Variants in GATA4 observed in about 807,000 individuals in gnomAD.
GATA4 encodes transcription factor GATA-4.
Under a neutral mutation model 37.9 loss-of-function variants are expected in GATA4, and 7 were observed. The observed-to-expected ratio is 0.18, with a 90% CI of 0.11 to 0.35. GATA4 has a LOEUF of 0.35. Ranked by LOEUF, GATA4 falls within the 10% of genes least tolerant of loss-of-function variation. GATA4 has a pLI of 1.00. For synonymous variants in GATA4, 372 were observed against 292.6 expected (o/e 1.27, Z -2.77); for missense variants, 647 against 653.0 (o/e 0.99, Z 0.10).
At chr8:11,750,309 C>G (rs1406339249) in intron 4 of GATA4, 73 bp downstream of exon 4, 2 of 1,585,094 alleles carry the variant, frequency 1.3e-6, no homozygotes, top group East Asian at 2.2e-5. Flanking sequence ...TTGTCTTCTT[C>G]CTTTGTACTA....
chr8:11,694,435 T>G, intron 1 of GATA4: 1 of 980,284 alleles, frequency 1.0e-6, no homozygotes, highest in African/African-American at 1.7e-5. Context: ...GATCCTTTCT[T>G]TTCTTCCCCC....
upstream of GATA4, among the ~76,000 whole-genome samples, chr8:11,702,836 C>T (rs1410895140): frequency 2.0e-5 from 3 of 152,198 alleles, no homozygotes; most frequent in African/African-American, 4.8e-5. This position sits in a 1 kb window ranked among gnomAD's most constrained non-coding sequence, Gnocchi z 4.4. Flanking sequence ...CCTCTGTTTG[C>T]GCCCCAGTGA....
upstream of GATA4, among the ~76,000 whole-genome samples, chr8:11,688,283 T>TA (rs1187856354): frequency 4.6e-5 from 7 of 152,178 alleles, no homozygotes; most frequent in African/African-American, 1.7e-4. Context: ...AAAAGAATAA[T>TA]ACTTGGGAAC....
At chr8:11,705,094 C>T (rs1284974937) in intron 1 of GATA4, among the ~76,000 whole-genome samples, 1 of 152,216 alleles carries the variant, frequency 6.6e-6, no homozygotes, top group African/African-American at 2.4e-5. Flanking sequence ...GGACTGCCAC[C>T]AGGTTGAGGA....
chr8:11,755,223 C>A (rs979262542), intron 5 of GATA4, 90 bp downstream of exon 5: 2 of 1,059,266 alleles, frequency 1.9e-6, no homozygotes, highest in Non-Finnish European at 2.9e-6. Flanking sequence ...GGCAGGCCAG[C>A]CCGGGCCGCC....
At chr8:11,704,127 C>T (rs1799784463), upstream of GATA4, 1 of 152,380 alleles carries the variant, frequency 6.6e-6, no homozygotes, top group Non-Finnish European at 1.5e-5. Flanking sequence ...CCCGCCCCGC[C>T]CTTGCACGTG....
intron 1 of GATA4, among the ~76,000 whole-genome samples, chr8:11,693,570 G>T (rs989012107): frequency 4.4e-5 from 6 of 136,814 alleles, no homozygotes; most frequent in Non-Finnish European, 3.2e-5. Flanking sequence ...CACAGAGAGA[G>T]AGAGAGAGAG....
chr8:11,755,644 G>A (rs1289727587), intron 5 of GATA4, among the ~76,000 whole-genome samples: 1 of 152,188 alleles, frequency 6.6e-6, no homozygotes, highest in African/African-American at 2.4e-5. Context: ...AAGACTCCAT[G>A]AGAACCAGTT....
Position 11,708,599 on chromosome 8 carries a change from G to A in GATA4, c.287G>A (p.Gly96Glu). Reference sequence around the variant, plus strand: ...GGATGGAGCCAGGCGGGAGCCGACGGAGCCGCTTACACCCCGCCGCCGGTG... The same window carrying A: ...GGATGGAGCCAGGCGGGAGCCGACGAAGCCGCTTACACCCCGCCGCCGGTG... The part of the protein sequence containing the change: ...SPGWSQAGAD[G>E]AAYTPPPVSP... The change falls in exon 2 of 7, where the codon GGA becomes GAA. Residue 96 changes from glycine to glutamate, a missense_variant. Transcript: ENST00000532059. This position sits in a 1 kb window ranked among gnomAD's most constrained non-coding sequence, Gnocchi z 6.7. The A allele has an allele frequency of 7.4e-7, 1 of 1,360,208 alleles. No homozygotes were observed. Among genetic ancestry groups the A allele is most frequent in the Non-Finnish European group, 9.4e-7 (1 of 1,058,924 alleles). The allele number at this position is 1,360,208 out of a possible 1,614,324, so 84.3% of individuals were successfully genotyped here. A position where few individuals can be genotyped will look rare whatever the true frequency, so the allele number is the denominator to read the frequency against.
At chr8:11,726,643 G>A (rs1800937687) in intron 2 of GATA4, among the ~76,000 whole-genome samples, 1 of 152,154 alleles carries the variant, frequency 6.6e-6, no homozygotes, top group Non-Finnish European at 1.5e-5. Context: ...GCAGAGGGGT[G>A]GAGGAGGAGC....
intron 2 of GATA4, among the ~76,000 whole-genome samples, chr8:11,728,369 A>G (rs1801039338): frequency 6.6e-6 from 1 of 151,908 alleles, no homozygotes; most frequent in Non-Finnish European, 1.5e-5. Flanking sequence ...TTTTTGTTTT[A>G]TTTTTGGTTT....
At chr8:11,705,453 A>C (rs1799852723) in intron 1 of GATA4, among the ~76,000 whole-genome samples, 1 of 152,186 alleles carries the variant, frequency 6.6e-6, no homozygotes, top group Non-Finnish European at 1.5e-5. Flanking sequence ...CGGCGCTTGC[A>C]ATTCTCCCAT....
chr8:11,696,700 C>T (rs142758338), intron 1 of GATA4, among the ~76,000 whole-genome samples: 1 of 152,348 alleles, frequency 6.6e-6, no homozygotes, highest in Non-Finnish European at 1.5e-5. Flanking sequence ...GTGAGGACGT[C>T]ACAATCCCTG....
intron 1 of GATA4, among the ~76,000 whole-genome samples, chr8:11,705,224 G>A (rs906451126): frequency 1.3e-5 from 2 of 152,262 alleles, no homozygotes; most frequent in African/African-American, 4.8e-5. Flanking sequence ...AGTGTTTCCT[G>A]TGTTCCCAGA....
At chr8:11,734,622 G>A (rs1462576462) in intron 2 of GATA4, among the ~76,000 whole-genome samples, 2 of 152,190 alleles carry the variant, frequency 1.3e-5, no homozygotes, top group African/African-American at 4.8e-5. Context: ...GAGTTGCTGG[G>A]ATTACAGGCA....
intron 1 of GATA4, among the ~76,000 whole-genome samples, chr8:11,704,724 T>G (rs939765173): frequency 1.3e-5 from 2 of 152,216 alleles, no homozygotes; most frequent in Non-Finnish European, 2.9e-5. Context: ...GACGGAGGCT[T>G]GTCGCCCACC....
rs569731103 is a variant in GATA4 at position 11,758,246 on chromosome 8, C to G, written c.1150-47C>G. 117 of 1,607,916 alleles carry G rather than the reference C, an allele frequency of 7.3e-5. No homozygotes were observed. The Middle Eastern group carries it at 1.2e-3, about 16-fold the overall frequency. On this transcript the variant is annotated intron_variant, in intron 6 of 6. Transcript: ENST00000532059. ...CTCCCCAGCCTAGACCTCCCAAGCC[C>G]TCAGGAGCGTCTCCATGGGCCTCAT... is the stretch of plus-strand genomic sequence containing the variant.
intron 1 of GATA4, chr8:11,681,204 G>C: frequency 1.0e-6 from 1 of 985,408 alleles, no homozygotes; most frequent in South Asian, 4.7e-5. Context: ...GCCCGCGCGG[G>C]ATCTGGAGGC....
chr8:11,683,264 C>G, intron 1 of GATA4: 1 of 420,674 alleles, frequency 2.4e-6, no homozygotes, highest in Non-Finnish European at 3.2e-6. Context: ...TCCACCTGGC[C>G]CTGGGAGGCG....
Sources: gnomAD v4.1 joint callset for allele counts (sites outside exome capture counted in the v4.1 genomes callset) on GRCh38, gnomAD v4.1.1 for gene constraint, Gnocchi (gnomAD v3.1) non-coding constraint, MANE v1.5 for transcripts, NCBI Gene and HGNC (gene_info 2026-07-23, HGNC 2026-07-21) for gene names.